The following XKR9 variants were observed in gnomAD, a reference collection of about 807,000 sequenced individuals.
XKR9 encodes XK-related protein 9.
XKR9 carries 32 observed loss-of-function variants against 32.0 expected under a neutral mutation model. That is an observed-to-expected ratio of 1.00 (90% CI 0.76 to 1.34). The LOEUF (loss-of-function observed/expected upper bound fraction) is 1.34, where lower values mean the gene tolerates loss of function less well. XKR9 is among the 40% of genes most tolerant of loss of function. The pLI, the probability that XKR9 is intolerant of heterozygous loss-of-function variation, is 0.00. For missense variants in XKR9, 546 were observed against 429.7 expected (o/e 1.27, Z -2.39); for synonymous variants, 168 against 143.4 (o/e 1.17, Z -1.22).
At chr8:70,903,654 C>T in the XKR9 span, among the ~76,000 whole-genome samples, 1 of 152,080 alleles carries the variant, frequency 6.6e-6, no homozygotes, top group African/African-American at 2.4e-5. Context: ...CTGCTCTGAT[C>T]TTAGTTATTT....
chr8:70,700,157 C>G (rs940340380), intron 3 of XKR9, among the ~76,000 whole-genome samples: 8 of 152,092 alleles, frequency 5.3e-5, no homozygotes. Context: ...GTAGTTTGAT[C>G]GTCTGAAGCC....
At chr8:70,802,913 C>G in the XKR9 span, among the ~76,000 whole-genome samples, 1 of 152,178 alleles carries the variant, frequency 6.6e-6, no homozygotes, top group South Asian at 2.1e-4. Context: ...TTTGGATAAT[C>G]TGATGACAAT....
intron 2 of XKR9, among the ~76,000 whole-genome samples, chr8:70,773,080 A>G (rs1434582694): frequency 6.6e-6 from 1 of 152,240 alleles, no homozygotes; most frequent in African/African-American, 2.4e-5. Context: ...ACTGTAGCAC[A>G]AGTCTTGTCA....
chr8:70,809,582 T>A, the XKR9 span, among the ~76,000 whole-genome samples: 8 of 152,138 alleles, frequency 5.3e-5, no homozygotes, highest in East Asian at 1.2e-3. Flanking sequence ...GAATAACCAA[T>A]GCAGAGAAGT....
chr8:71,061,331 T>C, the XKR9 span, among the ~76,000 whole-genome samples: 1 of 152,084 alleles, frequency 6.6e-6, no homozygotes, highest in Non-Finnish European at 1.5e-5. Context: ...CCTTCGGACA[T>C]TACTTTAGAC....
intron 2 of XKR9, among the ~76,000 whole-genome samples, chr8:70,743,414 A>T (rs370033688): frequency 3.3e-5 from 5 of 152,230 alleles, no homozygotes; most frequent in African/African-American, 1.2e-4. Context: ...TTTTCTCTTG[A>T]GTATGGGTTA....
At chr8:70,851,280 A>T in the XKR9 span, among the ~76,000 whole-genome samples, 1 of 152,360 alleles carries the variant, frequency 6.6e-6, no homozygotes, top group East Asian at 1.9e-4. Flanking sequence ...AGGAAATAAG[A>T]GAGCACACAA....
chr8:70,740,407 G>C (rs1429465172), downstream of XKR9, among the ~76,000 whole-genome samples: 4 of 152,094 alleles, frequency 2.6e-5, no homozygotes, highest in South Asian at 2.1e-4. Flanking sequence ...TTTGCCTTTG[G>C]TTTGAATTTC....
chr8:71,033,561 G>A, the XKR9 span, among the ~76,000 whole-genome samples: 7 of 152,090 alleles, frequency 4.6e-5, no homozygotes, highest in Non-Finnish European at 7.4e-5. Context: ...GCTTAGTTGC[G>A]GGGTGTTTGG....
At chr8:70,967,065 C>CTTTTTGTTTTTTTTTTTTTTT in the XKR9 span, among the ~76,000 whole-genome samples, 1 of 101,292 alleles carries the variant, frequency 9.9e-6, no homozygotes, top group African/African-American at 4.2e-5. Context: ...GATCTTGACT[C>CTTTTTGTTTTTTTTTTTTTTT]TTTTTTTTTT....
the XKR9 span, among the ~76,000 whole-genome samples, chr8:70,874,920 T>A: frequency 6.6e-6 from 1 of 152,282 alleles, no homozygotes; most frequent in Middle Eastern, 3.4e-3. Flanking sequence ...AATGTAAAGA[T>A]TGAGTTTTAT....
chr8:70,916,392 C>T, the XKR9 span, among the ~76,000 whole-genome samples: 1 of 152,194 alleles, frequency 6.6e-6, no homozygotes, highest in Non-Finnish European at 1.5e-5. Flanking sequence ...CACTACAGTG[C>T]CATCTTTGAC....
chr8:70,879,303 G>A, the XKR9 span, among the ~76,000 whole-genome samples: 1 of 151,916 alleles, frequency 6.6e-6, no homozygotes, highest in East Asian at 1.9e-4. Flanking sequence ...AAATAACTAA[G>A]AGCAGAGCAG....
chr8:71,007,635 C>A, the XKR9 span, among the ~76,000 whole-genome samples: 1 of 151,134 alleles, frequency 6.6e-6, no homozygotes, highest in African/African-American at 2.4e-5. Flanking sequence ...TGAGAAATAA[C>A]AAGAAAAAAA....
the XKR9 span, among the ~76,000 whole-genome samples, chr8:70,929,504 CAG>C: frequency 9.9e-5 from 15 of 152,158 alleles, no homozygotes; most frequent in Admixed American, 1.3e-4. Context: ...CCTTACAAGA[CAG>C]AAATCAACGT....
chr8:70,789,504 C>G (rs1454218543), intron 3 of XKR9: 1 of 152,030 alleles, frequency 6.6e-6, no homozygotes, highest in Non-Finnish European at 1.5e-5. Flanking sequence ...GTGGTCAGCT[C>G]TGTCTCAATG....
chr8:70,710,665 C>T (rs1038323375), intron 4 of XKR9, among the ~76,000 whole-genome samples: 7 of 152,092 alleles, frequency 4.6e-5, no homozygotes, highest in African/African-American at 1.7e-4. Flanking sequence ...GATCGCACCA[C>T]TGTACTCCAA....
At position 70,734,488 on chromosome 8, in the gene XKR9, G is replaced by A. The variant is rs1214614107; in HGVS notation, c.*64G>A. The A allele has an allele frequency of 2.1e-6, 3 of 1,423,326 alleles. No individual in the cohort carries two copies. The African/African-American group carries it at 4.4e-5, about 21-fold the overall frequency. The allele number at this position is 1,423,326 out of a possible 1,614,324, so 88.2% of individuals were successfully genotyped here. On this transcript the variant is annotated 3_prime_UTR_variant, in exon 5 of 5. Transcript: ENST00000408926. ...TCATTGGTTAGTAAAGAAAATGTGT[G>A]TTATGTGGGTGTGTTGTCTCTTATT...
the XKR9 span, among the ~76,000 whole-genome samples, chr8:70,983,914 G>A: frequency 6.6e-6 from 1 of 152,070 alleles, no homozygotes; most frequent in Non-Finnish European, 1.5e-5. Flanking sequence ...TAGCTCACTA[G>A]GCCACATGGC....
Sources: allele counts gnomAD v4.1 joint callset (sites outside exome capture counted in the v4.1 genomes callset), GRCh38; gene constraint gnomAD v4.1.1; transcripts MANE v1.5; gene names NCBI Gene and HGNC (gene_info 2026-07-23, HGNC 2026-07-21).